ARHGAP45: variants seen among roughly 807,000 people sequenced by gnomAD.
ARHGAP45 encodes rho GTPase-activating protein 45.
In ARHGAP45, 56 loss-of-function variants were observed where a neutral mutation model predicts 116.1. The ratio of observed to expected loss-of-function variants is 0.48; its 90% CI spans 0.39 to 0.60. ARHGAP45 has a LOEUF of 0.60. ARHGAP45 is among the 20% of genes least tolerant of loss of function. ARHGAP45 has a pLI of 0.00. For synonymous variants in ARHGAP45, 866 were observed against 701.7 expected (o/e 1.23, Z -3.70); for missense variants, 1,622 against 1,601.0 (o/e 1.01, Z -0.22).
intron 19 of ARHGAP45, among the ~76,000 whole-genome samples, chr19:1,082,204 G>A (rs1454558156): frequency 9.5e-5 from 14 of 148,116 alleles, no homozygotes; most frequent in Non-Finnish European, 1.6e-4. Flanking sequence ...AGGGACAGGA[G>A]GGGCGGGGTG....
intron 10 of ARHGAP45, chr19:1,077,546 GCT>G: frequency 1.8e-6 from 2 of 1,106,138 alleles, no homozygotes; most frequent in South Asian, 3.7e-5. Context: ...ACAATGCCCG[GCT>G]AATTGTTTTA....
Position 1,073,757 on chromosome 19 carries a change from T to C in ARHGAP45, c.723+11T>C. 6.3e-7 allele frequency: 1 copy of C among 1,577,686 alleles called. No individual in the cohort carries two copies. Among genetic ancestry groups the C allele is most frequent in the Non-Finnish European group, 8.6e-7 (1 of 1,161,296 alleles). Reference sequence around the variant, plus strand: ...GGGGACTCGAGCCAGGTGAGTGGGGTGGGCCAGGGCCACCTGTGTCCAGCT... The same window carrying C: ...GGGGACTCGAGCCAGGTGAGTGGGGCGGGCCAGGGCCACCTGTGTCCAGCT... On this transcript the variant is annotated intron_variant, in intron 5 of 22. Transcript: ENST00000313093.
intron 19 of ARHGAP45, 46 bp from the exon 20 acceptor site, chr19:1,082,794 G>A: frequency 7.0e-7 from 1 of 1,430,852 alleles, no homozygotes; most frequent in East Asian, 2.5e-5. Context: ...ACACGTGGGG[G>A]CTGGGCCAGG....
rs772935367 is a variant in ARHGAP45 at position 1,069,168 on chromosome 19, C to G, written c.421+424C>G. Among the ~76,000 whole-genome samples the G allele has an allele frequency of 2.0e-4, 30 of 151,936 alleles. No individual in the cohort carries two copies. Among genetic ancestry groups the G allele is most frequent in the Admixed American group, 9.2e-4 (14 of 15,246 alleles). ...GAGCACAGGACAGATGGGGGCAGAT[C>G]TGTGTCTTGGAATGAAGCAAACTGG... On this transcript the variant is annotated intron_variant, in intron 2 of 22. Coordinates refer to ENST00000313093, the MANE Select transcript of ARHGAP45 (RefSeq NM_012292.5). This position sits in a 1 kb window ranked among gnomAD's most constrained non-coding sequence, Gnocchi z 4.1.
chr19:1,082,079 C>G, intron 19 of ARHGAP45, 118 bp downstream of exon 19: 346 of 75,488 alleles, frequency 4.6e-3, no homozygotes, highest in East Asian at 6.4e-3. Flanking sequence ...CTGGCGCAAG[C>G]GGGGGCCTGG....
At chr19:1,081,144 C>T in intron 17 of ARHGAP45, 80 bp downstream of exon 17, 1 of 1,445,338 alleles carries the variant, frequency 6.9e-7, no homozygotes, top group Non-Finnish European at 9.3e-7. Flanking sequence ...TGTGTGCCCT[C>T]AGGAATGTCC....
Position 1,068,513 on chromosome 19 carries a change from C to A in ARHGAP45, c.190C>A (p.Arg64=). Residue 64 remains arginine (R), a synonymous_variant, in exon 2 of 23, where the codon CGG becomes AGG. Transcript: ENST00000313093. This position sits in a 1 kb window ranked among gnomAD's most constrained non-coding sequence, Gnocchi z 7.5. ...CGTCAAGGCCACAGGGACCCTCAAG[C>A]GGCCCACCAGCCTGAGCCGCCACGC... ...SGVKATGTLK[R]PTSLSRHASA... 6.2e-7 allele frequency: 1 copy of A among 1,600,298 alleles called. No individual in the cohort carries two copies. The highest frequency in any genetic ancestry group is 8.5e-7 in the Non-Finnish European group (1 of 1,174,314).
Position 1,067,251 on chromosome 19 carries a change from G to T in ARHGAP45, c.-155G>T. The T allele has an allele frequency of 7.2e-7, 1 of 1,384,406 alleles. No homozygotes were observed. The highest frequency in any genetic ancestry group is 9.3e-7 in the Non-Finnish European group (1 of 1,072,904). The allele number at this position is 1,384,406 out of a possible 1,614,324, so 85.8% of individuals were successfully genotyped here. On this transcript the variant is annotated 5_prime_UTR_variant, in exon 1 of 23. Transcript: ENST00000313093. Reference sequence around the variant, plus strand: ...TCCCCGAAGCCTTTTCCTGTTGGGGGGAGGGCCCGCCAGTGACGGCCGGGC... The same window carrying T: ...TCCCCGAAGCCTTTTCCTGTTGGGGTGAGGGCCCGCCAGTGACGGCCGGGC...
At chr19:1,079,234 C>T (rs1034257546) in intron 11 of ARHGAP45, among the ~76,000 whole-genome samples, 5 of 150,570 alleles carry the variant, frequency 3.3e-5, no homozygotes, top group Admixed American at 6.6e-5. Context: ...AGTGTGGTGG[C>T]TCACACCTGT....
rs1568472297 is a variant in ARHGAP45, at chr19:1,079,920, G to A, written c.1513-8G>A. On this transcript the variant is annotated splice_region_variant and splice_polypyrimidine_tract_variant and intron_variant, in intron 12 of 22. Coordinates refer to ENST00000313093, the MANE Select transcript of ARHGAP45 (RefSeq NM_012292.5). The stretch of plus-strand genomic sequence containing the variant: ...CCTGACCCCTCCGCTCTCCGGTGCC[G>A]CCCGCAGGCCACGATCTCCTACTAC... 14 of 1,602,572 alleles carry A rather than the reference G, an allele frequency of 8.7e-6. No homozygotes were observed. Among genetic ancestry groups the A allele is most frequent in the Non-Finnish European group, 1.1e-5 (13 of 1,171,748 alleles).
Position 1,085,685 on chromosome 19 carries a change from G to A in ARHGAP45, c.3090G>A (p.Ser1030=), listed in dbSNP as rs55965756. Residue 1030 remains serine, a synonymous_variant, in exon 23 of 23, where the codon TCG becomes TCA. Transcript: ENST00000313093. The stretch of plus-strand genomic sequence containing the variant: ...AATCCCGAGTTGTGTCCAACGATTC[G>A]GACTCGGACCTAGAGGAGGCCTCCG... ...CRESRVVSND[S]DSDLEEASEL... The A allele has an allele frequency of 2.6e-5, 41 of 1,582,536 alleles. No homozygotes were observed. Among genetic ancestry groups the A allele is most frequent in the Middle Eastern group, 1.7e-4 (1 of 5,972 alleles).
rs1213767110 is a variant in ARHGAP45, at chr19:1,075,455, G to C, written c.1185+576G>C. ...AGACGGGGTTTCACCATAGTGGTCA[G>C]GCTGGTCTCGAACTCCTGACCTCAG... is the stretch of plus-strand genomic sequence containing the variant. On this transcript the variant is annotated intron_variant, in intron 10 of 22. Coordinates refer to ENST00000313093, the MANE Select transcript of ARHGAP45 (RefSeq NM_012292.5). Among the ~76,000 whole-genome samples, 3 of 152,002 alleles carry C rather than the reference G, an allele frequency of 2.0e-5. No homozygotes were observed. The East Asian group carries it at 5.8e-4, about 29-fold the overall frequency.
At chr19:1,082,782 GCA>G (rs1290187655) in intron 19 of ARHGAP45, 56 bp from the exon 20 acceptor site, 4 of 1,379,164 alleles carry the variant, frequency 2.9e-6, no homozygotes, top group Non-Finnish European at 3.8e-6. Flanking sequence ...GGCGTGGCAG[GCA>G]CACGTGGGGG....
chr19:1,073,752 TGG>T lies in ARHGAP45; in HGVS notation c.723+9_723+10del, dbSNP rs772898106. ...CTCCTGGGGACTCGAGCCAGGTGAGTGGGGTGGGCCAGGGCCACCTGTGTCCA... is the reference window on the plus strand; with the variant it reads ...CTCCTGGGGACTCGAGCCAGGTGAGTGGTGGGCCAGGGCCACCTGTGTCCA... On this transcript the variant is annotated splice_region_variant and intron_variant, in intron 5 of 22. Transcript: ENST00000313093. 1.0e-4 allele frequency: 159 copies of T among 1,582,130 alleles called. No individual in the cohort carries two copies. The highest frequency in any genetic ancestry group is 1.3e-4 in the Non-Finnish European group (153 of 1,163,812).
intron 3 of ARHGAP45, 85 bp from the exon 4 acceptor site, chr19:1,073,421 T>G: frequency 1.3e-6 from 2 of 1,563,974 alleles, no homozygotes; most frequent in East Asian, 4.5e-5. Context: ...CTGTTCCCCC[T>G]GGGTTAAGGG....
rs1349194001 is a variant in ARHGAP45, at chr19:1,079,965, C to A, written c.1550C>A (p.Thr517Lys). 2 of 1,612,584 alleles carry A rather than the reference C, an allele frequency of 1.2e-6. No homozygotes were observed. Among genetic ancestry groups the A allele is most frequent in the South Asian group, 2.2e-5 (2 of 91,082 alleles). Residue 517 changes from threonine (T) to lysine (K), a missense_variant, in exon 13 of 23, where the codon ACG becomes AAG. By Grantham distance (78) the Thr-to-Lys change is moderately conservative. Transcript: ENST00000313093. Reference protein sequence around the residue: ...ISYYQMMHMQTAPLPVHFQML... With the variant: ...ISYYQMMHMQKAPLPVHFQML... ...TACTACCAGATGATGCATATGCAGA[C>A]GGCGCCGCTGCCCGTGCACTTCCAG...
intron 17 of ARHGAP45, 90 bp from the exon 18 acceptor site, chr19:1,081,460 G>C: frequency 1.6e-6 from 2 of 1,245,490 alleles, no homozygotes; most frequent in Non-Finnish European, 2.1e-6. Context: ...TGGGGGCTGT[G>C]AGCGCCCCGG....
chr19:1,081,104 G>A, intron 17 of ARHGAP45, 40 bp downstream of exon 17: 1 of 1,566,628 alleles, frequency 6.4e-7, no homozygotes, highest in African/African-American at 1.3e-5. Flanking sequence ...GAGCCTTCGG[G>A]AGCCTTTGGG....
At position 1,083,195 on chromosome 19, in the gene ARHGAP45, G is replaced by C. The variant is rs1213457779; in HGVS notation, c.2797G>C (p.Val933Leu). 6.2e-7 allele frequency: 1 copy of C among 1,611,058 alleles called. No homozygotes were observed. Among genetic ancestry groups the C allele is most frequent in the Non-Finnish European group, 8.5e-7 (1 of 1,179,404 alleles). ...GATGACCCCCGGGAACCTGGGCATC[G>C]TGTTCGGGCCCACGCTGCTTCGGCC... ...NKMTPGNLGI[V>L]FGPTLLRPRP... Residue 933 changes from valine (V) to leucine (L), a missense_variant, in exon 21 of 23, where the codon GTG (valine) becomes CTG (leucine). By Grantham distance (32) the Val-to-Leu change is conservative. Around this residue, in one of 3 missense-constraint regions of ARHGAP45, gnomAD observed 1,334 missense variants for 1,263.8 expected, o/e 1.06. Transcript: ENST00000313093.
Sources: allele counts gnomAD v4.1 joint callset (sites outside exome capture counted in the v4.1 genomes callset), GRCh38; gene constraint gnomAD v4.1.1; regional missense constraint gnomAD v4.1.1; non-coding constraint Gnocchi (gnomAD v3.1); transcripts MANE v1.5; gene names NCBI Gene and HGNC (gene_info 2026-07-23, HGNC 2026-07-21).